HEMK2: variants seen among roughly 807,000 people sequenced by gnomAD.
HEMK2 encodes methyltransferase HEMK2.
chr21:28,637,939 C>T, the HEMK2 span, among the ~76,000 whole-genome samples: 2 of 152,142 alleles, frequency 1.3e-5, no homozygotes, highest in South Asian at 4.1e-4. Flanking sequence ...AATTTATAGA[C>T]ATGAAAATAA....
chr21:28,643,214 A>G, the HEMK2 span, among the ~76,000 whole-genome samples: 5 of 152,296 alleles, frequency 3.3e-5, no homozygotes, highest in Non-Finnish European at 5.9e-5. Flanking sequence ...ATGTTTGCGT[A>G]CCTTCAAAAT....
the HEMK2 span, among the ~76,000 whole-genome samples, chr21:28,805,425 A>C: frequency 3.3e-5 from 5 of 152,218 alleles, no homozygotes; most frequent in Non-Finnish European, 7.3e-5. Flanking sequence ...AATGAGAATC[A>C]CATCCTATTT....
At chr21:28,845,900 A>C in the HEMK2 span, among the ~76,000 whole-genome samples, 1 of 152,098 alleles carries the variant, frequency 6.6e-6, no homozygotes, top group East Asian at 1.9e-4. Context: ...TCACCCAGAT[A>C]GTCAGCATAA....
chr21:28,817,919 A>T, the HEMK2 span, among the ~76,000 whole-genome samples: 1 of 152,154 alleles, frequency 6.6e-6, no homozygotes, highest in Non-Finnish European at 1.5e-5. Flanking sequence ...AATCTTGTAA[A>T]ATTGCCATGT....
At chr21:28,724,582 C>A in the HEMK2 span, among the ~76,000 whole-genome samples, 1 of 152,164 alleles carries the variant, frequency 6.6e-6, no homozygotes, top group African/African-American at 2.4e-5. Context: ...TAACCAGACG[C>A]TACATTTGGG....
At chr21:28,670,621 T>C in the HEMK2 span, among the ~76,000 whole-genome samples, 1 of 152,218 alleles carries the variant, frequency 6.6e-6, no homozygotes. Flanking sequence ...AGCTCTGTCC[T>C]GTTAGAAAGT....
At chr21:28,790,337 G>C in the HEMK2 span, among the ~76,000 whole-genome samples, 1 of 152,142 alleles carries the variant, frequency 6.6e-6, no homozygotes, top group Non-Finnish European at 1.5e-5. Flanking sequence ...GAAGGAGGGG[G>C]ATTAATTGTT....
chr21:28,635,785 C>T, the HEMK2 span, among the ~76,000 whole-genome samples: 1 of 152,034 alleles, frequency 6.6e-6, no homozygotes, highest in Admixed American at 6.6e-5. Flanking sequence ...TCTTTCAGTG[C>T]TGTCTAATAG....
the HEMK2 span, among the ~76,000 whole-genome samples, chr21:28,881,225 A>T: frequency 3.9e-5 from 6 of 152,058 alleles, no homozygotes; most frequent in Admixed American, 3.9e-4. Context: ...AATTTCCTTG[A>T]CTTTTGTTAG....
At chr21:28,883,713 A>C in the HEMK2 span, among the ~76,000 whole-genome samples, 2 of 152,214 alleles carry the variant, frequency 1.3e-5, no homozygotes, top group East Asian at 3.9e-4. Context: ...TCTTGCCTAT[A>C]ATCTTGGAAG....
the HEMK2 span, among the ~76,000 whole-genome samples, chr21:28,751,931 C>T: frequency 6.6e-6 from 1 of 151,976 alleles, no homozygotes; most frequent in Admixed American, 6.5e-5. Context: ...GCTAGGATTA[C>T]AGGCATGAGC....
At chr21:28,659,663 A>T in the HEMK2 span, among the ~76,000 whole-genome samples, 3 of 152,088 alleles carry the variant, frequency 2.0e-5, no homozygotes, top group African/African-American at 7.2e-5. Context: ...ACAAAAGAGA[A>T]ATAGGTAATG....
the HEMK2 span, chr21:28,882,066 G>T: frequency 2.3e-6 from 2 of 888,862 alleles, no homozygotes; most frequent in Non-Finnish European, 3.3e-6. Context: ...CTGCTTAGTG[G>T]GTCAAAAGTT....
At chr21:28,879,454 C>T in the HEMK2 span, among the ~76,000 whole-genome samples, 1 of 152,144 alleles carries the variant, frequency 6.6e-6, no homozygotes, top group East Asian at 1.9e-4. Context: ...GTTGGCCAGG[C>T]TGGTCTTGAA....
chr21:28,841,391 A>AATATTATATATAATATATAT, the HEMK2 span, among the ~76,000 whole-genome samples: 9 of 29,260 alleles, frequency 3.1e-4, no homozygotes, highest in African/African-American at 2.0e-3. Context: ...TAATATATAA[A>AATATTATATATAATATATAT]ATATTATATA....
chr21:28,870,475 C>T, the HEMK2 span, among the ~76,000 whole-genome samples: 2 of 152,080 alleles, frequency 1.3e-5, no homozygotes, highest in African/African-American at 4.8e-5. Flanking sequence ...GATCTCAGCT[C>T]ACTGCCATAT....
the HEMK2 span, among the ~76,000 whole-genome samples, chr21:28,786,443 G>A: frequency 6.6e-6 from 1 of 152,170 alleles, no homozygotes; most frequent in Non-Finnish European, 1.5e-5. Context: ...GGCTGAGGCG[G>A]GCAGATTACC....
chr21:28,616,933 C>T, the HEMK2 span, among the ~76,000 whole-genome samples: 1 of 152,166 alleles, frequency 6.6e-6, no homozygotes, highest in African/African-American at 2.4e-5. Context: ...GTACCAAGCA[C>T]TTTTTAAGGC....
the HEMK2 span, among the ~76,000 whole-genome samples, chr21:28,701,559 T>C: frequency 0.031 from 1,428 of 45,450 alleles, 31 homozygotes; most frequent in East Asian, 0.31. Flanking sequence ...CACACACACA[T>C]ACACACACAC....
Sources: gnomAD v4.1 joint callset for allele counts (sites outside exome capture counted in the v4.1 genomes callset) on GRCh38, gnomAD v4.1.1 for gene constraint, MANE v1.5 for transcripts, NCBI Gene and HGNC (gene_info 2026-07-23, HGNC 2026-07-21) for gene names.